CDC123: variants seen among roughly 807,000 people sequenced by gnomAD.
CDC123 encodes translation initiation factor eIF2 assembly protein.
A neutral mutation model predicts 54.4 loss-of-function variants in CDC123; 37 were observed. The ratio of observed to expected loss-of-function variants is 0.68; its 90% confidence interval spans 0.52 to 0.89. The LOEUF (loss-of-function observed/expected upper bound fraction) is 0.89. CDC123 is among the 40% of genes least tolerant of loss of function. The probability of loss-of-function intolerance (pLI) is 0.00; values close to 1 mark genes in which losing one functional copy is unlikely to be tolerated. For missense variants in CDC123, 361 were observed against 412.1 expected, an observed-to-expected ratio of 0.88 and a Z score of 1.07; for synonymous variants, 144 against 136.8, an observed-to-expected ratio of 1.05 and a Z score of -0.37.
At chr10:12,198,915 A>G (rs904294807) in intron 2 of CDC123, 139 bp downstream of exon 2, 2 of 586,330 alleles carry the variant, frequency 3.4e-6, no homozygotes, top group South Asian at 2.1e-5. Context: ...TTTGTCTCAT[A>G]TTCCTTCTCA....
chr10:12,229,264 G>A lies in CDC123; in HGVS notation c.441-1684G>A, dbSNP rs555828854. On this transcript the variant is annotated intron_variant, in intron 6 of 12. Coordinates refer to ENST00000281141, the MANE Select transcript of CDC123 (RefSeq NM_006023.3). ...CTGTGAACACAGTGATATTCTTAACGCCTAAATGGAATGATCTCCCTTGCG... is the reference window on the plus strand; with the variant it reads ...CTGTGAACACAGTGATATTCTTAACACCTAAATGGAATGATCTCCCTTGCG... Among the ~76,000 whole-genome samples the A allele has an allele frequency of 1.1e-4, 16 of 152,222 alleles. No individual in the cohort carries two copies. In the South Asian group the frequency reaches 1.9e-3, roughly 18 times the overall value.
chr10:12,239,426 A>G (rs987706551), intron 10 of CDC123, among the ~76,000 whole-genome samples: 1 of 152,124 alleles, frequency 6.6e-6, no homozygotes, highest in African/African-American at 2.4e-5. Context: ...TTATATAATT[A>G]TTTTGGCCGG....
In CDC123 at chr10:12,202,303, G is replaced by A. The variant is rs145206438; in HGVS notation, c.146+3527G>A. Among the ~76,000 whole-genome samples the A allele has an allele frequency of 8.5e-5, 13 of 152,224 alleles. No homozygotes were observed. The East Asian group carries it at 9.6e-4, about 11-fold the overall frequency. ...TCAGTTTCGTCAGTTCTAGAATTTC[G>A]TATAAGTGGAGTTATATAGTATGTA... On this transcript the variant is annotated intron_variant, in intron 2 of 12. Coordinates refer to ENST00000281141, the MANE Select transcript of CDC123 (RefSeq NM_006023.3).
At chr10:12,234,303 G>A (rs947311588) in intron 7 of CDC123, among the ~76,000 whole-genome samples, 4 of 152,108 alleles carry the variant, frequency 2.6e-5, no homozygotes, top group Non-Finnish European at 5.9e-5. Flanking sequence ...ATGTTGGAGC[G>A]CAATGGCGCG....
At chr10:12,203,815 C>T (rs1252707251) in intron 2 of CDC123, among the ~76,000 whole-genome samples, 1 of 152,102 alleles carries the variant, frequency 6.6e-6, no homozygotes, top group Admixed American at 6.6e-5. Flanking sequence ...AAGCATCAAC[C>T]AGCTGTGGTG....
intron 2 of CDC123, among the ~76,000 whole-genome samples, chr10:12,203,162 G>C (rs1835466012): frequency 6.6e-6 from 1 of 152,206 alleles, no homozygotes; most frequent in South Asian, 2.1e-4. Context: ...TCAGCTATCC[G>C]GAAGCTCTTT....
intron 10 of CDC123, 89 bp from the exon 11 acceptor site, chr10:12,246,060 A>C: frequency 7.1e-7 from 1 of 1,416,110 alleles, no homozygotes; most frequent in Non-Finnish European, 9.7e-7. Context: ...ACAGCATGAG[A>C]CCCTGTCTCA....
intron 6 of CDC123, among the ~76,000 whole-genome samples, chr10:12,227,287 GA>G (rs1392187328): frequency 1.4e-5 from 2 of 147,808 alleles, no homozygotes; most frequent in African/African-American, 5.0e-5. Context: ...GGGAGAGGGG[GA>G]GGGGGAGGGG....
intron 7 of CDC123, among the ~76,000 whole-genome samples, chr10:12,232,565 A>G (rs900431862): frequency 2.0e-5 from 3 of 152,152 alleles, no homozygotes; most frequent in Non-Finnish European, 2.9e-5. Context: ...ACCAATTACT[A>G]GATCTTAGAG....
intron 2 of CDC123, among the ~76,000 whole-genome samples, chr10:12,201,755 A>C (rs973753440): frequency 2.6e-5 from 4 of 152,220 alleles, no homozygotes; most frequent in Non-Finnish European, 5.9e-5. Context: ...TGACTCGATC[A>C]GATTTCAGTT....
chr10:12,216,112 C>G (rs1278743086), intron 5 of CDC123, among the ~76,000 whole-genome samples: 2 of 152,060 alleles, frequency 1.3e-5, no homozygotes, highest in African/African-American at 4.8e-5. Flanking sequence ...CTGCCCTTTT[C>G]AAAACTTCAG....
At chr10:12,241,142 A>G (rs893050059) in intron 10 of CDC123, among the ~76,000 whole-genome samples, 4 of 142,618 alleles carry the variant, frequency 2.8e-5, no homozygotes, top group African/African-American at 1.1e-4. Context: ...TTTCAGTATA[A>G]TTTCTACTTC....
At chr10:12,209,909 T>G (rs1835574118) in intron 2 of CDC123, 58 bp from the exon 3 acceptor site, 3 of 1,531,702 alleles carry the variant, frequency 2.0e-6, no homozygotes, top group Admixed American at 1.7e-5. Context: ...CCCCTGAAAT[T>G]AGGAGCATGC....
rs202026373 is a variant in CDC123 at position 12,238,030 on chromosome 10, TTAAAA to T, written c.689-423_689-419del. 7.3e-3 allele frequency among the ~76,000 whole-genome samples: 1,113 copies of T among 152,334 alleles called. 18 individuals are homozygous for T. The highest frequency in any genetic ancestry group is 0.025 in the African/African-American group (1,026 of 41,560). On this transcript the variant is annotated intron_variant, in intron 9 of 12. Coordinates refer to ENST00000281141, the MANE Select transcript of CDC123 (RefSeq NM_006023.3). Reference sequence around the variant, plus strand: ...GACTGGGCTCTGTGGCAGATTTGACTTAAAATAAGATGAATCATGCTTCAAGGCTC... The same window carrying T: ...GACTGGGCTCTGTGGCAGATTTGACTTAAGATGAATCATGCTTCAAGGCTC...
rs142243159 is a variant in CDC123, at chr10:12,246,246, G to A, written c.815G>A (p.Gly272Asp). 1.2e-6 allele frequency: 2 copies of A among 1,614,142 alleles called. No individual in the cohort carries two copies. ...EELISENNLNGDFSEVDAQEQ... is the reference protein window; with the variant it reads ...EELISENNLNDDFSEVDAQEQ... ...CTGATATCTGAGAACAACTTAAACG[G>A]CGATTTTAGTGAAGTTGACGCTCAA... The change falls in exon 11 of 13, where the codon GGC (glycine) becomes GAC (aspartate). Residue 272 changes from glycine (G) to aspartate (D), a missense_variant. Transcript: ENST00000281141.
At chr10:12,196,491 G>T (rs1432560308) in intron 1 of CDC123, among the ~76,000 whole-genome samples, 172 bp downstream of exon 1, 1 of 152,232 alleles carries the variant, frequency 6.6e-6, no homozygotes, top group South Asian at 2.1e-4. Flanking sequence ...GCCAGCGAGT[G>T]TGCTGGCTAG....
intron 4 of CDC123, 39 bp from the exon 5 acceptor site, chr10:12,215,701 T>G: frequency 4.1e-6 from 5 of 1,218,536 alleles, no homozygotes; most frequent in Non-Finnish European, 6.0e-6. Context: ...TATACTGTGA[T>G]GATATTGACG....
chr10:12,233,793 A>ATG (rs146542658), intron 7 of CDC123, among the ~76,000 whole-genome samples: 9,279 of 152,060 alleles, frequency 0.061, 911 homozygotes, highest in African/African-American at 0.21. Context: ...CATACTTTAA[A>ATG]TGTGTTTTTT....
At chr10:12,227,676 T>G (rs1404663700) in intron 6 of CDC123, among the ~76,000 whole-genome samples, 3 of 151,980 alleles carry the variant, frequency 2.0e-5, no homozygotes, top group Non-Finnish European at 2.9e-5. Flanking sequence ...TTTTGTATTT[T>G]TGGTAGAGAT....
Sources: allele counts gnomAD v4.1 joint callset (sites outside exome capture counted in the v4.1 genomes callset), GRCh38; gene constraint gnomAD v4.1.1; transcripts MANE v1.5; gene names NCBI Gene and HGNC (gene_info 2026-07-23, HGNC 2026-07-21).